Variants in BBS9 observed in about 807,000 individuals in gnomAD.
The protein encoded by BBS9 is protein PTHB1.
In BBS9, 89 loss-of-function variants were observed where a neutral mutation model predicts 117.7. That is an observed-to-expected ratio of 0.76 (90% confidence interval 0.64 to 0.90). The LOEUF is 0.90. BBS9 is among the 40% of genes least tolerant of loss of function. The probability of loss-of-function intolerance (pLI) is 0.00; values close to 1 mark genes in which losing one functional copy is unlikely to be tolerated. For missense variants in BBS9, 982 were observed against 1,042.2 expected, an observed-to-expected ratio of 0.94 and a Z score of 0.80; for synonymous variants, 379 against 370.9, an observed-to-expected ratio of 1.02 and a Z score of -0.25.
intron 5 of BBS9, among the ~76,000 whole-genome samples, chr7:33,188,731 A>G (rs1490304882): frequency 6.6e-6 from 1 of 152,146 alleles, no homozygotes; most frequent in Non-Finnish European, 1.5e-5. Context: ...GTCATTGGTG[A>G]TTTTAGGGAG....
At chr7:33,620,844 C>G (rs1865370037) in intron 21 of BBS9, among the ~76,000 whole-genome samples, 1 of 152,100 alleles carries the variant, frequency 6.6e-6, no homozygotes, top group Admixed American at 6.6e-5. Flanking sequence ...AAATATACTA[C>G]AAAGCTATAG....
At chr7:33,544,326 T>C (rs1852921495) in intron 21 of BBS9, among the ~76,000 whole-genome samples, 1 of 152,210 alleles carries the variant, frequency 6.6e-6, no homozygotes, top group South Asian at 2.1e-4. Context: ...GTAGTCTCTG[T>C]CAGAGGGAAG....
intron 19 of BBS9, among the ~76,000 whole-genome samples, chr7:33,472,528 A>C (rs1419905): frequency 0.39 from 58,980 of 152,036 alleles, 14,223 homozygotes; most frequent in African/African-American, 0.69. Flanking sequence ...ATCTAATTAG[A>C]TGAGGGCATG....
At chr7:33,577,892 G>T (rs957426227) in intron 21 of BBS9, among the ~76,000 whole-genome samples, 1 of 152,094 alleles carries the variant, frequency 6.6e-6, no homozygotes, top group African/African-American at 2.4e-5. Context: ...TCACACACTG[G>T]GGCCTGATGG....
intron 21 of BBS9, among the ~76,000 whole-genome samples, chr7:33,601,233 C>T (rs962821782): frequency 4.6e-5 from 7 of 152,108 alleles, no homozygotes; most frequent in Non-Finnish European, 1.0e-4. Context: ...CGAGGCGAGA[C>T]GCTTGCCTGA....
chr7:33,391,491 A>G (rs1466517468), intron 19 of BBS9, among the ~76,000 whole-genome samples: 1 of 152,164 alleles, frequency 6.6e-6, no homozygotes, highest in African/African-American at 2.4e-5. Context: ...TTGTAGCTCA[A>G]CCAATAGTGT....
intron 5 of BBS9, among the ~76,000 whole-genome samples, chr7:33,184,942 T>C (rs1442242164): frequency 6.6e-6 from 1 of 152,232 alleles, no homozygotes; most frequent in African/African-American, 2.4e-5. Flanking sequence ...GGATTATTTA[T>C]GAGTTTTCCA....
intron 8 of BBS9, among the ~76,000 whole-genome samples, chr7:33,273,580 A>C (rs1800211389): frequency 6.6e-6 from 1 of 152,230 alleles, no homozygotes; most frequent in African/African-American, 2.4e-5. Context: ...CATATTAATG[A>C]AATTCATGCT....
At position 33,411,075 on chromosome 7, in the gene BBS9, C is replaced by T. The variant is rs904026676; in HGVS notation, c.2115+22931C>T. ...ATAGTGCAGACCCTGTATATGCATA[C>T]GGGAATAATTATATGCAGAAATGCA... On this transcript the variant is annotated intron_variant, in intron 19 of 22. Transcript: ENST00000242067. 7.9e-5 allele frequency among the ~76,000 whole-genome samples: 11 copies of T among 138,370 alleles called. No homozygotes were observed. The East Asian group carries it at 2.0e-3, about 25-fold the overall frequency. 90.8% of individuals were successfully genotyped at this position (138,370 alleles called of 152,430 possible). A position where few individuals can be genotyped will look rare whatever the true frequency, so the allele number is the denominator to read the frequency against.
intron 9 of BBS9, among the ~76,000 whole-genome samples, chr7:33,296,639 C>T (rs572902125): frequency 6.6e-6 from 1 of 152,278 alleles, no homozygotes; most frequent in Non-Finnish European, 1.5e-5. Context: ...CTTCTGTCAT[C>T]TTGAGAGATT....
intron 9 of BBS9, among the ~76,000 whole-genome samples, chr7:33,298,270 C>T (rs532159299): frequency 1.1e-4 from 17 of 152,058 alleles, no homozygotes; most frequent in Admixed American, 3.3e-4. Flanking sequence ...TTAACTTACT[C>T]ATTAGCTCTG....
intron 15 of BBS9, among the ~76,000 whole-genome samples, chr7:33,354,030 G>A (rs1819179863): frequency 6.6e-6 from 1 of 151,980 alleles, no homozygotes; most frequent in Non-Finnish European, 1.5e-5. Context: ...AAAAAAATCA[G>A]TTAAGGTTAT....
intron 5 of BBS9, among the ~76,000 whole-genome samples, chr7:33,214,425 G>A (rs772760678): frequency 6.6e-6 from 1 of 152,186 alleles, no homozygotes; most frequent in Non-Finnish European, 1.5e-5. Context: ...TTGGTCATCT[G>A]ATTTTTGGTT....
intron 5 of BBS9, among the ~76,000 whole-genome samples, chr7:33,238,568 A>G (rs1463203828): frequency 6.6e-6 from 1 of 152,212 alleles, no homozygotes; most frequent in East Asian, 1.9e-4. Context: ...TGCTGAGATT[A>G]CAGGTGTGAG....
At chr7:33,620,442 A>G (rs1212506063) in intron 21 of BBS9, among the ~76,000 whole-genome samples, 3 of 152,104 alleles carry the variant, frequency 2.0e-5, no homozygotes, top group Non-Finnish European at 4.4e-5. Flanking sequence ...AAAAATCTGT[A>G]GCATTTCTAT....
At chr7:33,191,317 G>C (rs149351357) in intron 5 of BBS9, among the ~76,000 whole-genome samples, 17 of 152,274 alleles carry the variant, frequency 1.1e-4, no homozygotes, top group African/African-American at 4.1e-4. Context: ...TTTGGTATCC[G>C]TGAGCTTTGA....
At chr7:33,401,019 C>T (rs1270895573) in intron 19 of BBS9, among the ~76,000 whole-genome samples, 1 of 152,172 alleles carries the variant, frequency 6.6e-6, no homozygotes, top group Non-Finnish European at 1.5e-5. Context: ...CCCAGATGGG[C>T]CACCTGTATT....
chr7:33,584,374 T>C (rs187771128), intron 21 of BBS9, among the ~76,000 whole-genome samples: 1 of 152,214 alleles, frequency 6.6e-6, no homozygotes, highest in African/African-American at 2.4e-5. Context: ...CAAGTAGTAG[T>C]TGTGATAGCT....
chr7:33,289,129 C>A (rs960182460), intron 9 of BBS9, among the ~76,000 whole-genome samples: 12 of 152,176 alleles, frequency 7.9e-5, no homozygotes, highest in African/African-American at 2.7e-4. Flanking sequence ...TAGTGCGATT[C>A]AATATTCTAT....
Sources: gnomAD v4.1 joint callset for allele counts (sites outside exome capture counted in the v4.1 genomes callset) on GRCh38, gnomAD v4.1.1 for gene constraint, MANE v1.5 for transcripts, NCBI Gene and HGNC (gene_info 2026-07-23, HGNC 2026-07-21) for gene names.